MINK1: variants seen among roughly 807,000 people sequenced by gnomAD.
MINK1 encodes the protein misshapen-like kinase 1.
MINK1 carries 46 observed loss-of-function variants against 178.4 expected under a neutral mutation model. The observed-to-expected ratio is 0.26, with a 90% CI of 0.20 to 0.33. MINK1 has a LOEUF of 0.33. MINK1 is among the 10% of genes least tolerant of loss of function. The pLI is 1.00. For synonymous variants in MINK1, 797 were observed against 709.7 expected (o/e 1.12, Z -1.96); for missense variants, 1,366 against 1,814.9 (o/e 0.75, Z 4.49).
Position 4,884,405 on chromosome 17 carries a change from G to T in MINK1, c.349G>T (p.Val117Leu). The T allele has an allele frequency of 1.2e-6, 2 of 1,613,944 alleles. No individual in the cohort carries two copies. Among genetic ancestry groups the T allele is most frequent in the Non-Finnish European group, 1.7e-6 (2 of 1,179,862 alleles). ...FCGAGSVTDL[V>L]KNTKGNALKE... ...TGGTGCTGGTTCAGTGACTGACCTG[G>T]TAAAGAACACAAAAGGCAACGCCCT... Residue 117 changes from valine to leucine, a missense_variant, in exon 5 of 32, where the codon GTA (valine) becomes TTA (leucine). Physicochemically the swap from Val to Leu is conservative, Grantham distance 32. Around this residue, in one of 14 missense-constraint regions of MINK1, gnomAD observed 109 missense variants for 369.4 expected, o/e 0.30. Transcript: ENST00000355280.
At chr17:4,858,154 G>T (rs1484234900) in intron 1 of MINK1, among the ~76,000 whole-genome samples, 1 of 152,118 alleles carries the variant, frequency 6.6e-6, no homozygotes, top group African/African-American at 2.4e-5. Flanking sequence ...GTCTTTAAGG[G>T]AGCTGATGAA....
chr17:4,834,966 T>TC (rs550662172), intron 1 of MINK1, among the ~76,000 whole-genome samples: 126 of 152,340 alleles, frequency 8.3e-4, no homozygotes, highest in Middle Eastern at 3.4e-3. Flanking sequence ...CAGTTTTTTT[T>TC]CTTCCCATTT....
At position 4,895,701 on chromosome 17, in the gene MINK1, A is replaced by G. The variant is rs1162772978; in HGVS notation, c.3233A>G (p.Lys1078Arg). ...TGTATGTCTGTCCGTCCCTCAGGGAAAAGGAACAAACTGCGGGTGTATTAC... is the reference window on the plus strand; with the variant it reads ...TGTATGTCTGTCCGTCCCTCAGGGAGAAGGAACAAACTGCGGGTGTATTAC... ...GLNLLITISG[K>R]RNKLRVYYLS... is the part of the protein sequence containing the mutation. Residue 1078 changes from lysine (K) to arginine (R), a missense_variant, in exon 27 of 32, where the codon AAA becomes AGA. Lys to Arg is a conservative substitution (Grantham distance 26). Around this residue, in one of 14 missense-constraint regions of MINK1, gnomAD observed 77 missense variants for 119.5 expected, o/e 0.64. Coordinates refer to ENST00000355280, the MANE Select transcript of MINK1 (RefSeq NM_153827.5). This position sits in a 1 kb window ranked among gnomAD's most constrained non-coding sequence, Gnocchi z 4.3. The G allele has an allele frequency of 6.2e-7, 1 of 1,613,172 alleles. No homozygotes were observed. Among genetic ancestry groups the G allele is most frequent in the East Asian group, 2.2e-5 (1 of 44,862 alleles).
At position 4,833,931 on chromosome 17, in the gene MINK1, G is replaced by A. The variant is rs1270860571; in HGVS notation, c.57+291G>A. Among the ~76,000 whole-genome samples, 1 of 152,182 alleles carries A rather than the reference G, an allele frequency of 6.6e-6. No individual in the cohort carries two copies. Among genetic ancestry groups the A allele is most frequent in the East Asian group, 1.9e-4 (1 of 5,190 alleles). Reference sequence around the variant, plus strand: ...TTACTCTGGGGTTCGGGACCCACTGGTTCGCCTAAACTTAGCCTCCCCCAT... The same window carrying A: ...TTACTCTGGGGTTCGGGACCCACTGATTCGCCTAAACTTAGCCTCCCCCAT... On this transcript the variant is annotated intron_variant, in intron 1 of 31. Transcript: ENST00000355280. The surrounding 1 kb of genome is among the most constrained non-coding windows in gnomAD (Gnocchi z 4.8).
chr17:4,838,326 C>G (rs1360029356), intron 1 of MINK1, among the ~76,000 whole-genome samples: 1 of 152,162 alleles, frequency 6.6e-6, no homozygotes, highest in Non-Finnish European at 1.5e-5. Flanking sequence ...TGGGATAGGA[C>G]AGTTTGCCAT....
rs1230695809 is a variant in MINK1, at chr17:4,896,870, C to T, written c.3915+57C>T. 13 of 1,511,264 alleles carry T rather than the reference C, an allele frequency of 8.6e-6. No homozygotes were observed. The highest frequency in any genetic ancestry group is 1.4e-5 in the African/African-American group (1 of 71,412). The allele number at this position is 1,511,264 out of a possible 1,614,324, so 93.6% of individuals were successfully genotyped here. A position where few individuals can be genotyped will look rare whatever the true frequency, so the allele number is the denominator to read the frequency against. On this transcript the variant is annotated intron_variant, in intron 31 of 31. Coordinates refer to ENST00000355280, the MANE Select transcript of MINK1 (RefSeq NM_153827.5). The surrounding 1 kb of genome is among the most constrained non-coding windows in gnomAD (Gnocchi z 4.6). The stretch of plus-strand genomic sequence containing the variant: ...TGTCCCGGCTGCCATGACCCTAGGC[C>T]CCTGGGCAGAGTTCTGGGGAGAGGA...
At chr17:4,890,815 CAGT>C in intron 14 of MINK1, 80 bp downstream of exon 14, 1 of 1,516,280 alleles carries the variant, frequency 6.6e-7, no homozygotes, top group Non-Finnish European at 8.9e-7. Flanking sequence ...TAGTAGTTCA[CAGT>C]AGCAGGCACC....
At chr17:4,892,035 C>T (rs1417086105) in intron 16 of MINK1, 114 bp from the exon 17 acceptor site, 2 of 893,152 alleles carry the variant, frequency 2.2e-6, no homozygotes, top group African/African-American at 3.4e-5. Context: ...TCCCCTGAAC[C>T]TCAGTTTTCT....
At chr17:4,888,440 A>G (rs559048879) in intron 12 of MINK1, among the ~76,000 whole-genome samples, 3 of 152,046 alleles carry the variant, frequency 2.0e-5, no homozygotes, top group African/African-American at 4.8e-5. Flanking sequence ...GTTCGAGACC[A>G]GCCTGTCTAA....
rs1023401973 is a variant in MINK1, at chr17:4,851,625, A to G, written c.57+17985A>G. 6.6e-5 allele frequency among the ~76,000 whole-genome samples: 10 copies of G among 150,976 alleles called. No individual in the cohort carries two copies. The East Asian group carries it at 1.6e-3, about 23-fold the overall frequency. On this transcript the variant is annotated intron_variant, in intron 1 of 31. Transcript: ENST00000355280. ...CCTTCCCTTCATCTCTCCTGGCCCCATTGTCTCCCGACCTCTTTGGGCCAT... is the reference window on the plus strand; with the variant it reads ...CCTTCCCTTCATCTCTCCTGGCCCCGTTGTCTCCCGACCTCTTTGGGCCAT...
At chr17:4,891,185 T>TACACACGCACGCACACACACAC (rs1597561090) in intron 15 of MINK1, 61 bp downstream of exon 15, 1 of 1,207,758 alleles carries the variant, frequency 8.3e-7, no homozygotes, top group African/African-American at 1.7e-5. Context: ...AGAGCACAGG[T>TACACACGCACGCACACACACAC]ACACACACAC....
chr17:4,891,197 C>CGCACACACACACGT, intron 15 of MINK1, 73 bp downstream of exon 15: 3 of 1,157,944 alleles, frequency 2.6e-6, no homozygotes, highest in Non-Finnish European at 2.4e-6. Flanking sequence ...CACACACACG[C>CGCACACACACACGT]GCGCACACAC....
chr17:4,891,815 C>T (rs139670433), intron 16 of MINK1, 99 bp downstream of exon 16: 18 of 1,437,604 alleles, frequency 1.3e-5, no homozygotes, highest in Admixed American at 2.6e-5. Flanking sequence ...GAGTGCAGGG[C>T]GGGAAGCGAG....
At position 4,895,855 on chromosome 17, in the gene MINK1, G is replaced by A. The variant is rs1425250002; in HGVS notation, c.3364+23G>A. ...TTGGTGAGGATGTCCCAACAGAGTG[G>A]CCAGCGCATACTTGTTCATGAAGAG... On this transcript the variant is annotated intron_variant, in intron 27 of 31. Coordinates refer to ENST00000355280, the MANE Select transcript of MINK1 (RefSeq NM_153827.5). The surrounding 1 kb of genome is among the most constrained non-coding windows in gnomAD (Gnocchi z 4.3). 4 of 1,611,058 alleles carry A rather than the reference G, an allele frequency of 2.5e-6. No individual in the cohort carries two copies. The highest frequency in any genetic ancestry group is 3.4e-6 in the Non-Finnish European group (4 of 1,178,418).
chr17:4,860,937 A>C (rs1914074726), intron 1 of MINK1, among the ~76,000 whole-genome samples: 1 of 152,202 alleles, frequency 6.6e-6, no homozygotes, highest in Admixed American at 6.5e-5. Flanking sequence ...GCAGAGGAGC[A>C]GAGTCTGAGG....
chr17:4,881,365 C>T, intron 4 of MINK1, 108 bp downstream of exon 4: 1 of 1,273,818 alleles, frequency 7.9e-7, no homozygotes, highest in Non-Finnish European at 1.1e-6. Context: ...AGCTACCCTC[C>T]CTCCGGTCTA....
At position 4,896,229 on chromosome 17, in the gene MINK1, G is replaced by A. The variant is rs563737153; in HGVS notation, c.3502G>A (p.Asp1168Asn). Residue 1168 changes from aspartate to asparagine, a missense_variant, in exon 29 of 32, where the codon GAC becomes AAC. This residue lies in a region of MINK1 where 201 missense variants were observed against 240.7 expected (regional missense o/e 0.84). Coordinates refer to ENST00000355280, the MANE Select transcript of MINK1 (RefSeq NM_153827.5). This position sits in a 1 kb window ranked among gnomAD's most constrained non-coding sequence, Gnocchi z 4.6. The stretch of plus-strand genomic sequence containing the variant: ...CCTCCCCCACCGCCCTCTGCTGGTC[G>A]ACCTGACAGTAGAGGAGGGGCAGCG... ...ADLPHRPLLV[D>N]LTVEEGQRLK... is the part of the protein sequence containing the mutation. 1.3e-5 allele frequency: 21 copies of A among 1,603,238 alleles called. No individual in the cohort carries two copies. The highest frequency in any genetic ancestry group is 2.2e-5 in the South Asian group (2 of 89,178).
At chr17:4,897,146 C>A in intron 31 of MINK1, 58 bp from the exon 32 acceptor site, 1 of 1,437,144 alleles carries the variant, frequency 7.0e-7, no homozygotes, top group Non-Finnish European at 9.7e-7. Flanking sequence ...TTCCCTCTCC[C>A]AGTTGAGACA....
chr17:4,866,350 C>G (rs966960415), intron 1 of MINK1, among the ~76,000 whole-genome samples: 21 of 151,894 alleles, frequency 1.4e-4, no homozygotes, highest in African/African-American at 5.1e-4. Flanking sequence ...GCCTGTAGTC[C>G]CAGCTACTCG....
Sources: gnomAD v4.1 joint callset for allele counts (sites outside exome capture counted in the v4.1 genomes callset) on GRCh38, gnomAD v4.1.1 for gene constraint, gnomAD v4.1.1 regional missense constraint, Gnocchi (gnomAD v3.1) non-coding constraint, MANE v1.5 for transcripts, NCBI Gene and HGNC (gene_info 2026-07-23, HGNC 2026-07-21) for gene names.